Variants in PTPRN2 observed in about 807,000 individuals in gnomAD.
PTPRN2 encodes protein tyrosine phosphatase receptor type N2.
A neutral mutation model predicts 118.8 loss-of-function variants in PTPRN2; 74 were observed. The ratio of observed to expected loss-of-function variants is 0.62; its 90% CI spans 0.52 to 0.76. PTPRN2 has a LOEUF of 0.76. Ranked by LOEUF, PTPRN2 falls within the 30% of genes least tolerant of loss-of-function variation. The pLI is 0.00. For missense variants in PTPRN2, 1,481 were observed against 1,394.4 expected (o/e 1.06, Z -0.99); for synonymous variants, 641 against 608.0 (o/e 1.05, Z -0.80).
chr7:158,357,803 A>G (rs1479185985), intron 2 of PTPRN2, among the ~76,000 whole-genome samples: 2 of 152,218 alleles, frequency 1.3e-5, no homozygotes, highest in East Asian at 1.9e-4. Flanking sequence ...CATTGCGTCC[A>G]GCAGGGGTGT....
chr7:157,700,435 C>T (rs538804527), intron 12 of PTPRN2, among the ~76,000 whole-genome samples: 15 of 152,292 alleles, frequency 9.8e-5, no homozygotes, highest in African/African-American at 3.1e-4. Context: ...GTTTCCATGA[C>T]GACAGCCTGT....
chr7:158,135,453 T>A (rs1818726969), intron 8 of PTPRN2, among the ~76,000 whole-genome samples: 1 of 134,906 alleles, frequency 7.4e-6, no homozygotes. Context: ...AAGAAAGATG[T>A]TTTTAAATAA....
At chr7:158,024,707 C>A (rs970632891) in intron 11 of PTPRN2, among the ~76,000 whole-genome samples, 2 of 152,154 alleles carry the variant, frequency 1.3e-5, no homozygotes, top group Admixed American at 1.3e-4. Context: ...GAGAAAACTG[C>A]TTTAGGAGCA....
intron 16 of PTPRN2, among the ~76,000 whole-genome samples, chr7:157,601,419 T>C (rs1378681450): frequency 6.6e-6 from 1 of 151,690 alleles, no homozygotes; most frequent in Non-Finnish European, 1.5e-5. Context: ...CATCGATTTC[T>C]TCTGCTTCAT....
At chr7:157,568,782 C>A in intron 21 of PTPRN2, 120 bp downstream of exon 21, 1 of 988,790 alleles carries the variant, frequency 1.0e-6, no homozygotes, top group African/African-American at 1.6e-5. Flanking sequence ...TACGGCCCAG[C>A]AGAGGCACAA....
intron 10 of PTPRN2, among the ~76,000 whole-genome samples, chr7:158,085,760 C>T (rs558286052): frequency 3.1e-4 from 45 of 147,070 alleles, no homozygotes; most frequent in African/African-American, 1.0e-3. Flanking sequence ...ACATGCCCAT[C>T]CACACCCATG....
At chr7:158,197,936 T>G (rs1826339848) in intron 4 of PTPRN2, among the ~76,000 whole-genome samples, 1 of 152,204 alleles carries the variant, frequency 6.6e-6, no homozygotes, top group African/African-American at 2.4e-5. Context: ...ACAATATCAC[T>G]TTTCAAGTTA....
chr7:158,586,403 C>A (rs1828925880), intron 1 of PTPRN2, among the ~76,000 whole-genome samples: 1 of 152,196 alleles, frequency 6.6e-6, no homozygotes, highest in Non-Finnish European at 1.5e-5. Flanking sequence ...TGCCGGAGCC[C>A]AGCTGCACTG....
At chr7:157,630,714 A>G (rs1295326154) in intron 14 of PTPRN2, among the ~76,000 whole-genome samples, 1 of 152,208 alleles carries the variant, frequency 6.6e-6, no homozygotes, top group Admixed American at 6.5e-5. Context: ...AAGCAAACAC[A>G]CGGTTTTGGA....
intron 1 of PTPRN2, among the ~76,000 whole-genome samples, chr7:158,521,318 C>T (rs1823978625): frequency 1.3e-5 from 2 of 152,166 alleles, no homozygotes; most frequent in South Asian, 4.1e-4. Flanking sequence ...TGTGATTCAC[C>T]CGAAACCACA....
chr7:158,539,244 T>C (rs969182826), intron 1 of PTPRN2, among the ~76,000 whole-genome samples: 3 of 152,226 alleles, frequency 2.0e-5, no homozygotes, highest in African/African-American at 7.2e-5. Context: ...CACTAAGATA[T>C]TGAGTTGCTA....
intron 4 of PTPRN2, among the ~76,000 whole-genome samples, chr7:158,196,679 C>T (rs1437158198): frequency 6.6e-6 from 1 of 152,200 alleles, no homozygotes; most frequent in Admixed American, 6.5e-5. Context: ...CCCCTGGGGC[C>T]CTGCCCACGG....
intron 16 of PTPRN2, among the ~76,000 whole-genome samples, chr7:157,600,984 A>G (rs1027624422): frequency 3.9e-5 from 6 of 152,220 alleles, no homozygotes; most frequent in Non-Finnish European, 8.8e-5. Flanking sequence ...CAGTGAAATG[A>G]AGAATTAAGC....
intron 14 of PTPRN2, among the ~76,000 whole-genome samples, chr7:157,654,838 A>AGCTCT (rs561879585): frequency 1.2e-3 from 181 of 152,330 alleles, no homozygotes; most frequent in South Asian, 3.5e-3. Flanking sequence ...ACACAATGAG[A>AGCTCT]GCTCGCTAAG....
intron 16 of PTPRN2, among the ~76,000 whole-genome samples, chr7:157,600,664 C>T (rs529686477): frequency 1.3e-5 from 2 of 152,350 alleles, no homozygotes; most frequent in South Asian, 2.1e-4. Context: ...CTGCCTTGGC[C>T]TCCCAAAGTG....
chr7:157,604,138 C>T (rs758015217), intron 15 of PTPRN2, 63 bp from the exon 16 acceptor site: 27 of 1,520,024 alleles, frequency 1.8e-5, no homozygotes, highest in East Asian at 1.4e-4. Flanking sequence ...GAGACCCCCA[C>T]TTGGCCTCCA....
intron 12 of PTPRN2, among the ~76,000 whole-genome samples, chr7:157,751,064 C>T (rs1369802128): frequency 1.3e-5 from 2 of 152,242 alleles, no homozygotes; most frequent in African/African-American, 2.4e-5. Context: ...GGAAAACCTC[C>T]CAGATCCTGG....
intron 3 of PTPRN2, among the ~76,000 whole-genome samples, chr7:158,259,951 T>C (rs1174116042): frequency 4.4e-5 from 5 of 113,282 alleles, no homozygotes; most frequent in Non-Finnish European, 7.1e-5. Flanking sequence ...GGTATACACA[T>C]ATGTATTTGT....
chr7:158,557,162 ACGCAGGTCAGGCGGCTCCCG>A (rs1222347365), intron 1 of PTPRN2, among the ~76,000 whole-genome samples: 9 of 112,682 alleles, frequency 8.0e-5, no homozygotes, highest in Admixed American at 9.5e-5. Flanking sequence ...GGCGGCTCCC[ACGCAGGTCAGGCGGCTCCCG>A]CGCAGGTCAG....
Sources: gnomAD v4.1 joint callset for allele counts (sites outside exome capture counted in the v4.1 genomes callset) on GRCh38, gnomAD v4.1.1 for gene constraint, MANE v1.5 for transcripts, NCBI Gene and HGNC (gene_info 2026-07-23, HGNC 2026-07-21) for gene names.